The following STK26 variants were observed in gnomAD, a reference collection of about 807,000 sequenced individuals.
The protein encoded by STK26 is serine/threonine-protein kinase 26.
A neutral mutation model predicts 34.7 loss-of-function variants in STK26; 14 were observed. The ratio of observed to expected loss-of-function variants is 0.40; its 90% CI spans 0.27 to 0.63. The LOEUF (loss-of-function observed/expected upper bound fraction) is 0.63, where lower values mean the gene tolerates loss of function less well. STK26 is among the 30% of genes least tolerant of loss of function. The pLI, the probability that STK26 is intolerant of heterozygous loss-of-function variation, is 0.38. For synonymous variants in STK26, 100 were observed against 109.8 expected (o/e 0.91, Z 0.56); for missense variants, 226 against 309.1 (o/e 0.73, Z 2.02).
chrX:132,027,797 G>T (rs1935132274), intron 2 of STK26, among the ~76,000 whole-genome samples: 1 of 111,128 alleles, frequency 9.0e-6, no homozygotes, highest in Admixed American at 9.5e-5. Flanking sequence ...TTGGATGAAT[G>T]AATCAACTGG....
At chrX:132,061,040 C>T (rs988748850) in intron 3 of STK26, among the ~76,000 whole-genome samples, 2 of 111,969 alleles carry the variant, frequency 1.8e-5, no homozygotes, top group African/African-American at 3.3e-5. Context: ...TCTATGAACA[C>T]GTTTTACTGA....
intron 2 of STK26, among the ~76,000 whole-genome samples, chrX:132,044,792 T>A: frequency 2.7e-5 from 1 of 37,246 alleles, no homozygotes; most frequent in South Asian, 1.2e-3. Flanking sequence ...TATATTTATA[T>A]ATATAGAGAG....
intron 2 of STK26, among the ~76,000 whole-genome samples, chrX:132,024,697 G>A (rs1167212142): frequency 9.2e-6 from 1 of 108,728 alleles, no homozygotes; most frequent in Non-Finnish European, 1.9e-5. Flanking sequence ...TATATTTCTA[G>A]TAGAAATCAA....
intron 2 of STK26, among the ~76,000 whole-genome samples, chrX:132,050,064 A>G (rs1373803562): frequency 9.0e-6 from 1 of 111,058 alleles, no homozygotes; most frequent in Non-Finnish European, 1.9e-5. Context: ...AAAGAACTAG[A>G]TTCTTTACCT....
chrX:132,028,253 T>A (rs774934060), intron 2 of STK26, among the ~76,000 whole-genome samples: 24 of 109,812 alleles, frequency 2.2e-4, no homozygotes, highest in Non-Finnish European at 4.2e-4. Context: ...TTTAGTACTA[T>A]GAAGAAAAAA....
intron 3 of STK26, among the ~76,000 whole-genome samples, chrX:132,058,162 T>C (rs1047544601): frequency 2.7e-5 from 3 of 111,694 alleles, no homozygotes; most frequent in Non-Finnish European, 5.6e-5. Flanking sequence ...AGAGATCTCA[T>C]GAGTGATTAC....
At chrX:132,051,456 C>T (rs1367613322) in intron 2 of STK26, among the ~76,000 whole-genome samples, 3 of 111,240 alleles carry the variant, frequency 2.7e-5, no homozygotes, top group Non-Finnish European at 5.7e-5. Context: ...TCAATATGAG[C>T]TTAATTTAGC....
intron 3 of STK26, among the ~76,000 whole-genome samples, chrX:132,059,698 A>G (rs1482966948): frequency 1.8e-5 from 2 of 111,711 alleles, no homozygotes; most frequent in African/African-American, 6.5e-5. Context: ...AATTTGAATC[A>G]TGCCTTTATT....
chrX:132,047,525 G>A (rs185120819), intron 2 of STK26, among the ~76,000 whole-genome samples: 84 of 111,127 alleles, frequency 7.6e-4, no homozygotes, highest in Non-Finnish European at 1.4e-3. Flanking sequence ...CACTGATAAA[G>A]CTGGAATTGG....
In STK26 at chrX:132,069,472, C is replaced by T. The variant is rs371483367; in HGVS notation, c.598-6C>T. ...ATATATTATTTTCTTTTTCCTTTTA[C>T]GTTAGGCTGACATTTGGTCATTGGG... On this transcript the variant is annotated splice_polypyrimidine_tract_variant and splice_region_variant and intron_variant, in intron 6 of 11. Transcript: ENST00000394334. 157 of 877,563 alleles carry T rather than the reference C, an allele frequency of 1.8e-4. No individual in the cohort carries two copies. The highest frequency in any genetic ancestry group is 2.1e-4 in the Non-Finnish European group (145 of 699,915). 72.3% of individuals were successfully genotyped at this position (877,563 alleles called of 1,213,427 possible). A position where few individuals can be genotyped will look rare whatever the true frequency, so the allele number is the denominator to read the frequency against.
intron 2 of STK26, among the ~76,000 whole-genome samples, chrX:132,043,978 A>G (rs1387736157): frequency 8.9e-6 from 1 of 112,246 alleles, no homozygotes; most frequent in Non-Finnish European, 1.9e-5. Context: ...TAATCACATG[A>G]AAATAGGGAT....
At position 132,037,431 on chromosome X, in the gene STK26, A is replaced by G. The variant is rs1197982305; in HGVS notation, c.42+13772A>G. On this transcript the variant is annotated intron_variant, in intron 2 of 11. Transcript: ENST00000394334. ...CAATATTAAGCAGTTTTAGCGAATT[A>G]GGATTGAATTGAACATTATCTAGGA... 1.3e-4 allele frequency among the ~76,000 whole-genome samples: 15 copies of G among 112,265 alleles called. No individual in the cohort carries two copies. The Admixed American group carries it at 1.4e-3, about 11-fold the overall frequency.
chrX:132,068,192 G>A (rs1417138568), intron 4 of STK26, 23 bp from the exon 5 acceptor site: 2 of 1,119,612 alleles, frequency 1.8e-6, no homozygotes, highest in East Asian at 3.0e-5. Flanking sequence ...ATGTGTATGT[G>A]TGTGTGTGTT....
At chrX:132,034,445 T>TA (rs1925970252) in intron 2 of STK26, among the ~76,000 whole-genome samples, 1 of 107,386 alleles carries the variant, frequency 9.3e-6, no homozygotes, top group African/African-American at 3.4e-5. Context: ...TAGCTGGGAC[T>TA]ACAGGCACCT....
chrX:132,060,600 T>G (rs1023708107), intron 3 of STK26, among the ~76,000 whole-genome samples: 10 of 110,318 alleles, frequency 9.1e-5, no homozygotes, highest in East Asian at 2.8e-4. Flanking sequence ...GGTGGTTTTT[T>G]TTTTGTTTTG....
intron 2 of STK26, among the ~76,000 whole-genome samples, chrX:132,040,567 AAG>A (rs1014807353): frequency 4.5e-5 from 5 of 112,138 alleles, no homozygotes; most frequent in African/African-American, 1.6e-4. Flanking sequence ...TTTCTAGAGA[AAG>A]AAAATAAAAA....
intron 3 of STK26, among the ~76,000 whole-genome samples, chrX:132,056,988 G>T (rs1327890419): frequency 2.7e-5 from 3 of 112,095 alleles, no homozygotes; most frequent in Non-Finnish European, 5.6e-5. Flanking sequence ...CTGTGTGGAT[G>T]TCTGGAGCAT....
At chrX:132,023,682 C>T in intron 2 of STK26, 23 bp downstream of exon 2, 2 of 1,172,726 alleles carry the variant, frequency 1.7e-6, no homozygotes, top group Non-Finnish European at 2.3e-6. Flanking sequence ...AGGCCGCCCC[C>T]GCCGCCCACG....
chrX:132,046,540 A>T (rs1189326697), intron 2 of STK26, among the ~76,000 whole-genome samples: 1 of 112,250 alleles, frequency 8.9e-6, no homozygotes, highest in African/African-American at 3.2e-5. Context: ...ATGAAAAAGT[A>T]CCTATACAAT....
Sources: allele counts gnomAD v4.1 joint callset (sites outside exome capture counted in the v4.1 genomes callset), GRCh38; gene constraint gnomAD v4.1.1; transcripts MANE v1.5; gene names NCBI Gene and HGNC (gene_info 2026-07-23, HGNC 2026-07-21).